The following TDRD9 variants were observed in gnomAD, a reference collection of about 807,000 sequenced individuals.
TDRD9 encodes ATP-dependent RNA helicase TDRD9.
Under a neutral mutation model 172.6 loss-of-function variants are expected in TDRD9, and 124 were observed. The ratio of observed to expected loss-of-function variants is 0.72; its 90% CI spans 0.62 to 0.83. TDRD9 has a LOEUF of 0.83. Among genes scored for constraint, TDRD9 ranks in the 40% least tolerant of loss-of-function variants. The pLI, the probability that TDRD9 is intolerant of heterozygous loss-of-function variation, is 0.00. For synonymous variants in TDRD9, 619 were observed against 617.1 expected, an observed-to-expected ratio of 1.00 and a Z score of -0.05; for missense variants, 1,479 against 1,714.1, an observed-to-expected ratio of 0.86 and a Z score of 2.42.
intron 7 of TDRD9, among the ~76,000 whole-genome samples, chr14:103,976,044 C>T (rs1489503240): frequency 2.0e-5 from 3 of 152,142 alleles, no homozygotes; most frequent in East Asian, 3.8e-4. Flanking sequence ...ATTTCCCCCC[C>T]TTCCCAGCCT....
intron 24 of TDRD9, among the ~76,000 whole-genome samples, chr14:104,023,182 C>G (rs980032642): frequency 9.4e-5 from 5 of 53,120 alleles, no homozygotes; most frequent in Non-Finnish European, 1.2e-4. Context: ...GAGACTCCGT[C>G]TCAAAAAAAA....
rs2035954967 is a variant in TDRD9, at chr14:104,052,193, C to T, written c.*111C>T. 3 of 654,922 alleles carry T rather than the reference C, an allele frequency of 4.6e-6. No individual in the cohort carries two copies. Among genetic ancestry groups the T allele is most frequent in the East Asian group, 2.9e-5 (1 of 34,632 alleles). 40.6% of individuals were successfully genotyped at this position (654,922 alleles called of 1,614,324 possible). On this transcript the variant is annotated 3_prime_UTR_variant, in exon 36 of 36. Coordinates refer to ENST00000409874, the MANE Select transcript of TDRD9 (RefSeq NM_153046.3). ...TGTGTCTGGGTGTTACAGTCTGTGC[C>T]CACTGCATCCTAAAGGCCTTTTCTT...
At position 103,975,393 on chromosome 14, in the gene TDRD9, T is replaced by C. The variant is rs777644145; in HGVS notation, c.851T>C (p.Val284Ala). ...LRTNSRFVKV[V>A]LMSATISCKE... The stretch of plus-strand genomic sequence containing the variant: ...ATGTTTTCTCTTACTCTGTAGGTGG[T>C]CCTGATGTCGGCTACCATCAGCTGT... The change falls in exon 7 of 36, where the codon GTC becomes GCC. Residue 284 changes from valine to alanine, a missense_variant. This residue lies in a region of TDRD9 where 1,413 missense variants were observed against 1,649.1 expected (regional missense o/e 0.86). Transcript: ENST00000409874. 6.2e-7 allele frequency: 1 copy of C among 1,613,178 alleles called. No homozygotes were observed. The highest frequency in any genetic ancestry group is 8.5e-7 in the Non-Finnish European group (1 of 1,179,338).
intron 2 of TDRD9, among the ~76,000 whole-genome samples, chr14:103,959,790 A>G (rs1398173030): frequency 5.9e-5 from 9 of 152,192 alleles, no homozygotes; most frequent in Non-Finnish European, 2.9e-5. Context: ...ATCATTTTTT[A>G]AAAACTGAGA....
At chr14:103,950,047 T>C in intron 1 of TDRD9, among the ~76,000 whole-genome samples, 1 of 2,028 alleles carries the variant, frequency 4.9e-4, no homozygotes, top group Non-Finnish European at 4.3e-3. Flanking sequence ...TTCCTTCCCT[T>C]TTTTTTTTTC....
At chr14:104,031,889 A>G (rs552946233) in intron 29 of TDRD9, 128 bp from the exon 30 acceptor site, 3 of 623,238 alleles carry the variant, frequency 4.8e-6, no homozygotes, top group Non-Finnish European at 8.0e-6. Flanking sequence ...TAACTGAATC[A>G]TAAAGACATT....
At chr14:103,976,496 CAT>C (rs889018305) in intron 7 of TDRD9, among the ~76,000 whole-genome samples, 86 of 152,172 alleles carry the variant, frequency 5.7e-4, no homozygotes, top group African/African-American at 2.0e-3. Flanking sequence ...CCCCTGACCT[CAT>C]GATCCGCCCG....
At chr14:104,012,358 G>A (rs1426442490) in intron 20 of TDRD9, among the ~76,000 whole-genome samples, 1 of 152,238 alleles carries the variant, frequency 6.6e-6, no homozygotes, top group African/African-American at 2.4e-5. Context: ...GGTCTGGACA[G>A]CCAGGCCTGC....
intron 33 of TDRD9, 40 bp from the exon 34 acceptor site, chr14:104,042,029 A>T: frequency 7.9e-7 from 1 of 1,273,390 alleles, no homozygotes; most frequent in Non-Finnish European, 1.1e-6. Context: ...TTCAGTTACG[A>T]CGGAGCCTTA....
intron 1 of TDRD9, among the ~76,000 whole-genome samples, chr14:103,952,208 ATATATATATATATTTTTTT>A (rs2031933579): frequency 1.3e-5 from 1 of 75,092 alleles, no homozygotes; most frequent in African/African-American, 6.8e-5. Context: ...ATATATATAT[ATATATATATATATTTTTTT>A]TTTTTTTTTT....
At chr14:104,004,422 C>T in intron 14 of TDRD9, 87 bp downstream of exon 14, 1 of 717,930 alleles carries the variant, frequency 1.4e-6, no homozygotes, top group East Asian at 2.9e-5. Context: ...GCACTGTTGT[C>T]TGGACTGGAG....
At chr14:103,946,872 A>G (rs527377396) in intron 1 of TDRD9, among the ~76,000 whole-genome samples, 1 of 152,352 alleles carries the variant, frequency 6.6e-6, no homozygotes, top group African/African-American at 2.4e-5. Flanking sequence ...AGTGCAAAAC[A>G]TTGCTGAAAG....
chr14:103,994,352 A>G lies in TDRD9; in HGVS notation c.1201A>G (p.Met401Val). 1 of 1,613,644 alleles carries G rather than the reference A, an allele frequency of 6.2e-7. No individual in the cohort carries two copies. The highest frequency in any genetic ancestry group is 8.5e-7 in the Non-Finnish European group (1 of 1,179,692). Reference sequence around the variant, plus strand: ...CCTAGGTCTGGGTGAAATAAATTATATGCATGAACTTCTCACAAGCCTGGT... The same window carrying G: ...CCTAGGTCTGGGTGAAATAAATTATGTGCATGAACTTCTCACAAGCCTGGT... ...FLPGLGEINY[M>V]HELLTSLVHK... The change falls in exon 10 of 36, where the codon ATG (methionine) becomes GTG (valine). Residue 401 changes from methionine to valine, a missense_variant. By Grantham distance (21) the Met-to-Val change is conservative (BLOSUM62 1). Coordinates refer to ENST00000409874, the MANE Select transcript of TDRD9 (RefSeq NM_153046.3).
intron 1 of TDRD9, among the ~76,000 whole-genome samples, chr14:103,935,473 G>A (rs2030696708): frequency 6.6e-6 from 1 of 152,230 alleles, no homozygotes. Context: ...GAGACTGCAC[G>A]AGGAATTAGT....
rs2032276173 is a variant in TDRD9, at chr14:103,956,915, T to C, written c.322+1145T>C. ...TTTATGAGAGGTCATCTGTCATAGA[T>C]TTCTGCTAGTTCAGTTGAGAAGCTC... On this transcript the variant is annotated intron_variant, in intron 2 of 35. Transcript: ENST00000409874. Among the ~76,000 whole-genome samples, 3 of 152,180 alleles carry C rather than the reference T, an allele frequency of 2.0e-5. No individual in the cohort carries two copies. The South Asian group carries it at 6.2e-4, about 32-fold the overall frequency.
At chr14:103,984,410 T>C (rs1019334788) in intron 7 of TDRD9, among the ~76,000 whole-genome samples, 1 of 152,164 alleles carries the variant, frequency 6.6e-6, no homozygotes, top group African/African-American at 2.4e-5. Context: ...CCTAGGGACT[T>C]GGTGCCCTGT....
chr14:103,994,966 GA>G (rs11423570), intron 11 of TDRD9, among the ~76,000 whole-genome samples: 12 of 148,240 alleles, frequency 8.1e-5, no homozygotes, highest in African/African-American at 3.0e-4. Context: ...AAAAAAAAAA[GA>G]AAAAAAAATC....
At chr14:104,042,765 C>T (rs1488920194) in intron 34 of TDRD9, among the ~76,000 whole-genome samples, 1 of 152,052 alleles carries the variant, frequency 6.6e-6, no homozygotes, top group Non-Finnish European at 1.5e-5. Flanking sequence ...TGCTCCTGCC[C>T]CAGAGCCAGT....
intron 7 of TDRD9, among the ~76,000 whole-genome samples, chr14:103,981,676 T>C (rs188030902): frequency 3.5e-4 from 54 of 152,332 alleles, no homozygotes; most frequent in African/African-American, 1.3e-3. Flanking sequence ...TAGCCTACCT[T>C]GAATGAGTTC....
Sources: allele counts gnomAD v4.1 joint callset (sites outside exome capture counted in the v4.1 genomes callset), GRCh38; gene constraint gnomAD v4.1.1; regional missense constraint gnomAD v4.1.1; transcripts MANE v1.5; gene names NCBI Gene and HGNC (gene_info 2026-07-23, HGNC 2026-07-21).